The following DCX variants were observed in gnomAD, a reference collection of about 807,000 sequenced individuals.
DCX encodes the protein doublecortin, also known as neuronal migration protein doublecortin.
Under a neutral mutation model 20.9 loss-of-function variants are expected in DCX, and 4 were observed. That is an observed-to-expected ratio of 0.19 (90% CI 0.09 to 0.44). The LOEUF (loss-of-function observed/expected upper bound fraction) is 0.44. Among genes scored for constraint, DCX ranks in the 20% least tolerant of loss-of-function variants. The pLI is 0.99. For synonymous variants in DCX, 103 were observed against 111.4 expected (o/e 0.92, Z 0.47); for missense variants, 133 against 296.9 (o/e 0.45, Z 4.06).
chrX:111,350,712 A>C (rs952056959), intron 3 of DCX, among the ~76,000 whole-genome samples: 4 of 112,259 alleles, frequency 3.6e-5, no homozygotes, highest in Non-Finnish European at 7.5e-5. Flanking sequence ...AAGAGGGAAA[A>C]TTATATACAC....
intron 3 of DCX, among the ~76,000 whole-genome samples, chrX:111,366,281 A>G (rs1305071313): frequency 5.4e-5 from 6 of 111,833 alleles, no homozygotes. Context: ...CCATTAAAGC[A>G]ATTAAACAGT....
At chrX:111,394,643 C>T (rs1417891153) in intron 3 of DCX, among the ~76,000 whole-genome samples, 1 of 111,939 alleles carries the variant, frequency 8.9e-6, no homozygotes, top group Non-Finnish European at 1.9e-5. Flanking sequence ...AATGGAACAG[C>T]CTGCATCCCT....
chrX:111,316,026 A>C (rs1013641727), intron 5 of DCX, among the ~76,000 whole-genome samples: 1 of 66,758 alleles, frequency 1.5e-5, no homozygotes, highest in Non-Finnish European at 2.7e-5. Flanking sequence ...ACATGTATAC[A>C]TATGTAACTA....
rs963700621 is a variant in DCX, at chrX:111,300,087, A to T, written c.*1600T>A. On this transcript the variant is annotated 3_prime_UTR_variant, in exon 7 of 7. Coordinates refer to ENST00000636035, the MANE Select transcript of DCX (RefSeq NM_001195553.2). ...TAGAGTGGAGGAACAACTGCAAGCC[A>T]TTCAGTAGCCAAACAGCAGCTTGGC... 5 of 112,239 alleles carry T rather than the reference A, an allele frequency of 4.5e-5. No homozygotes were observed. Among genetic ancestry groups the T allele is most frequent in the African/African-American group, 1.6e-4 (5 of 30,841 alleles). 9.2% of individuals were successfully genotyped at this position (112,239 alleles called of 1,213,427 possible).
chrX:111,331,850 CA>C (rs1436861093), intron 4 of DCX, among the ~76,000 whole-genome samples: 4 of 112,153 alleles, frequency 3.6e-5, no homozygotes, highest in African/African-American at 1.3e-4. Flanking sequence ...GATGAGAGTA[CA>C]AAAAACTTAA....
At chrX:111,411,766 C>G (rs1928730846) in intron 1 of DCX, 2 of 111,606 alleles carry the variant, frequency 1.8e-5, no homozygotes, top group Non-Finnish European at 3.8e-5. Context: ...TCAATTCCGC[C>G]TTTTTTCCAA....
At chrX:111,369,777 G>A (rs965716593) in intron 3 of DCX, among the ~76,000 whole-genome samples, 1 of 111,868 alleles carries the variant, frequency 8.9e-6, no homozygotes, top group Admixed American at 9.5e-5. Flanking sequence ...GGAGGAGGGT[G>A]CATTCCCAAA....
chrX:111,334,584 AG>A (rs1304895873), intron 3 of DCX, among the ~76,000 whole-genome samples: 1 of 112,389 alleles, frequency 8.9e-6, no homozygotes, highest in African/African-American at 3.2e-5. Flanking sequence ...TTACTATTTT[AG>A]GCTTGAGAAA....
intron 3 of DCX, among the ~76,000 whole-genome samples, chrX:111,348,384 C>T (rs1923015971): frequency 8.9e-6 from 1 of 111,984 alleles, no homozygotes; most frequent in South Asian, 3.8e-4. Context: ...CTAGGCAATA[C>T]CAGCCTGATT....
At chrX:111,325,449 G>T (rs2095097501) in intron 5 of DCX, among the ~76,000 whole-genome samples, 1 of 110,981 alleles carries the variant, frequency 9.0e-6, no homozygotes, top group South Asian at 3.8e-4. Flanking sequence ...TTGTATCTTA[G>T]TTCCCCAATG....
At chrX:111,379,343 C>A (rs1925786861) in intron 3 of DCX, among the ~76,000 whole-genome samples, 1 of 111,376 alleles carries the variant, frequency 9.0e-6, no homozygotes, top group Admixed American at 9.5e-5. Context: ...CAACAAAAAC[C>A]GCTGTGCCCA....
intron 3 of DCX, among the ~76,000 whole-genome samples, chrX:111,397,809 G>GTGTGTGTGTATATCTACATATA (rs1237354421): frequency 9.1e-5 from 2 of 21,939 alleles, no homozygotes; most frequent in African/African-American, 9.7e-5. Flanking sequence ...CTACATATAT[G>GTGTGTGTGTATATCTACATATA]TGTGTGTGTA....
chrX:111,389,516 G>A (rs1333414016), intron 3 of DCX, among the ~76,000 whole-genome samples: 1 of 110,932 alleles, frequency 9.0e-6, no homozygotes, highest in South Asian at 3.9e-4. Context: ...TCTCCTTCTG[G>A]AGTCTCCACT....
rs1358192598 is a variant in DCX, at chrX:111,297,054, G to C, written c.*4633C>G. ...TCCAAAACACTTATGGTTCACTTGG[G>C]AGACCAGTCTGGGACTTAAAGCCAA... On this transcript the variant is annotated 3_prime_UTR_variant, in exon 7 of 7. Coordinates refer to ENST00000636035, the MANE Select transcript of DCX (RefSeq NM_001195553.2). 1.8e-5 allele frequency: 2 copies of C among 111,957 alleles called. No homozygotes were observed. The highest frequency in any genetic ancestry group is 4.7e-3 in the Middle Eastern group (1 of 214). 9.2% of individuals were successfully genotyped at this position (111,957 alleles called of 1,213,427 possible). A position where few individuals can be genotyped will look rare whatever the true frequency, so the allele number is the denominator to read the frequency against.
At chrX:111,407,150 C>A (rs1198879674) in intron 2 of DCX, among the ~76,000 whole-genome samples, 1 of 111,603 alleles carries the variant, frequency 9.0e-6, no homozygotes, top group Non-Finnish European at 1.9e-5. Context: ...CTTATTTAAT[C>A]CTCAAAGCCA....
In DCX at chrX:111,301,753, G is replaced by C; in HGVS notation, c.1045-10C>G. 8.3e-7 allele frequency: 1 copy of C among 1,207,890 alleles called. No homozygotes were observed. Among genetic ancestry groups the C allele is most frequent in the Non-Finnish European group, 1.1e-6 (1 of 892,214 alleles). ...GAGGCAGGTACAGGTCCTATAAGAA[G>C]AGAAGAGACAAAGTTAATTTTCCTT... On this transcript the variant is annotated splice_polypyrimidine_tract_variant and intron_variant, in intron 6 of 6. Transcript: ENST00000636035.
intron 4 of DCX, among the ~76,000 whole-genome samples, chrX:111,332,553 C>A (rs1921347621): frequency 9.0e-6 from 1 of 111,499 alleles, no homozygotes; most frequent in Admixed American, 9.5e-5. Context: ...TATTAACAAC[C>A]CTCTGTAAAC....
At chrX:111,325,416 G>A (rs1482152145) in intron 5 of DCX, among the ~76,000 whole-genome samples, 1 of 111,009 alleles carries the variant, frequency 9.0e-6, no homozygotes, top group African/African-American at 3.3e-5. Flanking sequence ...TGTGTGACAT[G>A]GAAGATCCCA....
At chrX:111,305,428 G>A (rs919907098) in intron 6 of DCX, among the ~76,000 whole-genome samples, 2 of 110,901 alleles carry the variant, frequency 1.8e-5, no homozygotes, top group Admixed American at 1.9e-4. Context: ...TTGCTGACAA[G>A]AGCAGCTAAA....
Sources: gnomAD v4.1 joint callset for allele counts (sites outside exome capture counted in the v4.1 genomes callset) on GRCh38, gnomAD v4.1.1 for gene constraint, MANE v1.5 for transcripts, NCBI Gene and HGNC (gene_info 2026-07-23, HGNC 2026-07-21) for gene names.